The following TRAPPC9 variants were observed in gnomAD, a reference collection of about 807,000 sequenced individuals.
The protein encoded by TRAPPC9 is IKK2 binding protein.
TRAPPC9 carries 83 observed loss-of-function variants against 124.0 expected under a neutral mutation model. The observed-to-expected ratio is 0.67, with a 90% CI of 0.56 to 0.80. The LOEUF is 0.80. TRAPPC9 is among the 30% of genes least tolerant of loss of function. The pLI is 0.00. For missense variants in TRAPPC9, 1,302 were observed against 1,508.3 expected (o/e 0.86, Z 2.27); for synonymous variants, 638 against 617.5 (o/e 1.03, Z -0.49).
At chr8:139,806,058 C>T (rs1449916504) in intron 21 of TRAPPC9, 1 of 152,242 alleles carries the variant, frequency 6.6e-6, no homozygotes, top group Non-Finnish European at 1.5e-5. Context: ...GAGAACGGGG[C>T]GTTAATTGAG....
chr8:139,920,301 G>A (rs958880479), intron 19 of TRAPPC9, among the ~76,000 whole-genome samples: 8 of 152,338 alleles, frequency 5.3e-5, no homozygotes, highest in South Asian at 2.1e-4. Flanking sequence ...AGCCGAGATC[G>A]TGCCACTGCA....
intron 13 of TRAPPC9, 54 bp downstream of exon 13, chr8:140,287,554 T>C (rs1019858381): frequency 2.2e-5 from 35 of 1,612,248 alleles, no homozygotes; most frequent in Non-Finnish European, 2.9e-5. Flanking sequence ...ATGGAGGCCA[T>C]GCAAGGGTTC....
chr8:140,169,804 C>T (rs1387018303), intron 17 of TRAPPC9, among the ~76,000 whole-genome samples: 1 of 152,064 alleles, frequency 6.6e-6, no homozygotes, highest in Non-Finnish European at 1.5e-5. Flanking sequence ...GTTTCCTTTT[C>T]GGTTGAAGCT....
Position 139,732,217 on chromosome 8 carries a change from A to C in TRAPPC9, c.3056-15T>G. The C allele has an allele frequency of 1.3e-6, 2 of 1,567,450 alleles. No homozygotes were observed. Among genetic ancestry groups the C allele is most frequent in the Non-Finnish European group, 1.7e-6 (2 of 1,163,522 alleles). ...CACCAGCACATCTGTAAGGGACACG[A>C]GACTGTCGGGGGCTGGGCTGGCCTG... On this transcript the variant is annotated splice_polypyrimidine_tract_variant and intron_variant, in intron 21 of 22. Coordinates refer to ENST00000438773, the MANE Select transcript of TRAPPC9 (RefSeq NM_001160372.4).
intron 21 of TRAPPC9, among the ~76,000 whole-genome samples, chr8:139,879,969 G>C (rs551794207): frequency 3.3e-5 from 5 of 152,284 alleles, no homozygotes; most frequent in African/African-American, 1.2e-4. Context: ...TTGAAGCCAA[G>C]ATCGTTCCAT....
chr8:139,752,721 C>T (rs117989127), intron 21 of TRAPPC9, among the ~76,000 whole-genome samples: 2,312 of 151,978 alleles, frequency 0.015, 37 homozygotes, highest in South Asian at 0.081. Context: ...ATTCATACAT[C>T]CATCCACTAC....
At position 140,072,532 on chromosome 8, in the gene TRAPPC9, G is replaced by A. The variant is rs1320123193; in HGVS notation, c.2557-48453C>T. Among the ~76,000 whole-genome samples, 44 of 128,862 alleles carry A rather than the reference G, an allele frequency of 3.4e-4. No homozygotes were observed. In the South Asian group the frequency reaches 6.2e-3, roughly 18 times the overall value. 84.5% of individuals were successfully genotyped at this position (128,862 alleles called of 152,430 possible). A position where few individuals can be genotyped will look rare whatever the true frequency, so the allele number is the denominator to read the frequency against. The stretch of plus-strand genomic sequence containing the variant: ...GACTCCGTCTCAAAAAAAAAAGGAG[G>A]AGGAGGAGGAGGAGGAAGAGGAGGA... On this transcript the variant is annotated intron_variant, in intron 17 of 22. Coordinates refer to ENST00000438773, the MANE Select transcript of TRAPPC9 (RefSeq NM_001160372.4).
intron 21 of TRAPPC9, among the ~76,000 whole-genome samples, chr8:139,850,446 A>C (rs1827371092): frequency 6.6e-6 from 1 of 152,228 alleles, no homozygotes; most frequent in Non-Finnish European, 1.5e-5. Context: ...TTGCCATTGC[A>C]ATCCCAGCAT....
At chr8:140,272,310 T>TGAG in intron 15 of TRAPPC9, among the ~76,000 whole-genome samples, 1 of 147,236 alleles carries the variant, frequency 6.8e-6, no homozygotes, top group South Asian at 2.1e-4. Context: ...GTGGTGGTTG[T>TGAG]GGTGGTTATA....
At chr8:140,043,886 C>G (rs1354224784) in intron 17 of TRAPPC9, among the ~76,000 whole-genome samples, 8 of 152,290 alleles carry the variant, frequency 5.3e-5, no homozygotes, top group Non-Finnish European at 1.0e-4. Flanking sequence ...AGTGGCCCTC[C>G]CAGCCTGCCC....
intron 21 of TRAPPC9, among the ~76,000 whole-genome samples, chr8:139,862,809 G>A (rs1232213323): frequency 3.3e-5 from 5 of 152,200 alleles, no homozygotes; most frequent in Non-Finnish European, 5.9e-5. Flanking sequence ...GCCCTGGTCC[G>A]GCCCCACATG....
intron 17 of TRAPPC9, among the ~76,000 whole-genome samples, chr8:140,144,876 T>C (rs900302861): frequency 5.9e-5 from 9 of 152,078 alleles, no homozygotes; most frequent in African/African-American, 1.9e-4. Flanking sequence ...ACTCTTTCTC[T>C]GTCTTTTTTT....
intron 15 of TRAPPC9, among the ~76,000 whole-genome samples, chr8:140,266,638 T>C (rs183762745): frequency 1.3e-4 from 20 of 151,944 alleles, no homozygotes; most frequent in South Asian, 1.2e-3. Flanking sequence ...GCGGGTGGAT[T>C]ACGAGGTCAG....
chr8:140,434,865 G>A lies in TRAPPC9; in HGVS notation c.859+247C>T, dbSNP rs530021122. Among the ~76,000 whole-genome samples the A allele has an allele frequency of 6.6e-5, 10 of 152,160 alleles. No homozygotes were observed. The East Asian group carries it at 1.9e-3, about 29-fold the overall frequency. Reference sequence around the variant, plus strand: ...GGCGCCTGTAATCCCAACTAGTCAGGAGGCTGAGGGAGGAGAATTGCTTGA... The same window carrying A: ...GGCGCCTGTAATCCCAACTAGTCAGAAGGCTGAGGGAGGAGAATTGCTTGA... On this transcript the variant is annotated intron_variant, in intron 4 of 22. Transcript: ENST00000438773.
At chr8:140,070,111 C>G (rs1409613858) in intron 17 of TRAPPC9, among the ~76,000 whole-genome samples, 2 of 152,244 alleles carry the variant, frequency 1.3e-5, no homozygotes, top group Non-Finnish European at 2.9e-5. Flanking sequence ...CAACGCGTTA[C>G]CAGTTCTCCA....
intron 19 of TRAPPC9, among the ~76,000 whole-genome samples, chr8:139,915,293 C>G (rs1174186695): frequency 1.3e-5 from 2 of 152,188 alleles, no homozygotes; most frequent in African/African-American, 4.8e-5. Flanking sequence ...GTTGGCCAGG[C>G]TGGAGTACAG....
At chr8:140,021,439 T>A (rs1278206760) in intron 18 of TRAPPC9, among the ~76,000 whole-genome samples, 1 of 152,240 alleles carries the variant, frequency 6.6e-6, no homozygotes, top group East Asian at 1.9e-4. Context: ...CACTACAGAA[T>A]TAAATGTTCT....
At chr8:140,272,335 TTTG>T (rs2064958353) in intron 15 of TRAPPC9, among the ~76,000 whole-genome samples, 11 of 146,834 alleles carry the variant, frequency 7.5e-5, no homozygotes, top group Admixed American at 7.4e-4. Context: ...TGATGGTGGT[TTTG>T]GTGGTCACAG....
intron 17 of TRAPPC9, among the ~76,000 whole-genome samples, chr8:140,048,132 G>A (rs1420636513): frequency 6.6e-6 from 1 of 152,248 alleles, no homozygotes; most frequent in Non-Finnish European, 1.5e-5. Flanking sequence ...CAATTGGCTT[G>A]TCCATGCCAG....
Sources: gnomAD v4.1 joint callset for allele counts (sites outside exome capture counted in the v4.1 genomes callset) on GRCh38, gnomAD v4.1.1 for gene constraint, MANE v1.5 for transcripts, NCBI Gene and HGNC (gene_info 2026-07-23, HGNC 2026-07-21) for gene names.